The following CACNA1E variants were observed in gnomAD, a reference collection of about 807,000 sequenced individuals.
CACNA1E encodes voltage-dependent R-type calcium channel subunit alpha-1E.
In CACNA1E, 40 loss-of-function variants were observed where a neutral mutation model predicts 259.2. That is an observed-to-expected ratio of 0.15 (90% CI 0.12 to 0.20). The LOEUF (loss-of-function observed/expected upper bound fraction) is 0.20, where lower values mean the gene tolerates loss of function less well. Among genes scored for constraint, CACNA1E ranks in the 10% least tolerant of loss-of-function variants. The pLI is 1.00. For synonymous variants in CACNA1E, 1,104 were observed against 1,138.5 expected, an observed-to-expected ratio of 0.97 and a Z score of 0.61; for missense variants, 1,874 against 3,040.1, an observed-to-expected ratio of 0.62 and a Z score of 9.02.
chr1:181,388,150 C>T (rs956193593), intron 1 of CACNA1E, among the ~76,000 whole-genome samples: 3 of 152,212 alleles, frequency 2.0e-5, no homozygotes, highest in African/African-American at 7.2e-5. Flanking sequence ...GCAGCCAGAG[C>T]ACGGCCATCG....
intron 2 of CACNA1E, among the ~76,000 whole-genome samples, chr1:181,436,518 A>ATACT (rs1660097918): frequency 6.6e-6 from 1 of 152,250 alleles, no homozygotes; most frequent in Admixed American, 6.5e-5. Context: ...ACACAATGAA[A>ATACT]TACTTTCAGC....
intron 25 of CACNA1E, among the ~76,000 whole-genome samples, chr1:181,745,083 A>G (rs549944007): frequency 6.6e-6 from 1 of 152,276 alleles, no homozygotes; most frequent in African/African-American, 2.4e-5. Context: ...GCTGCCTTGA[A>G]AATGGAGTTT....
intron 2 of CACNA1E, among the ~76,000 whole-genome samples, chr1:181,419,936 T>G (rs1295913935): frequency 6.6e-6 from 1 of 152,212 alleles, no homozygotes; most frequent in Non-Finnish European, 1.5e-5. Flanking sequence ...GTCTCCTGCC[T>G]TTCAGCTTCT....
chr1:181,554,521 G>A (rs1378449468), intron 3 of CACNA1E, among the ~76,000 whole-genome samples: 1 of 152,154 alleles, frequency 6.6e-6, no homozygotes, highest in Non-Finnish European at 1.5e-5. Context: ...AACAAGATTA[G>A]CTTGGATCGG....
chr1:181,541,522 T>C (rs1045485259), intron 3 of CACNA1E, among the ~76,000 whole-genome samples: 5 of 152,036 alleles, frequency 3.3e-5, no homozygotes, highest in Admixed American at 6.5e-5. Context: ...CAGAAGTAAA[T>C]TGATGCTCAT....
chr1:181,798,626 G>T lies in CACNA1E; in HGVS notation c.6734G>T (p.Gly2245Val), dbSNP rs760290666. 3.7e-6 allele frequency: 6 copies of T among 1,612,106 alleles called. No individual in the cohort carries two copies. The highest frequency in any genetic ancestry group is 5.1e-6 in the Non-Finnish European group (6 of 1,178,984). ...GAAGACTCCCACGCCTCAGACTGTG[G>T]TGAGGAGGAGACGCTCACTTTCGAA... Reference protein sequence around the residue: ...LHEDSHASDCGEEETLTFEAA... With the variant: ...LHEDSHASDCVEEETLTFEAA... Residue 2245 changes from glycine (G) to valine (V), a missense_variant, in exon 48 of 48, where the codon GGT becomes GTT. By Grantham distance (109) the Gly-to-Val change is moderately radical. Coordinates refer to ENST00000367573, the MANE Select transcript of CACNA1E (RefSeq NM_001205293.3). The surrounding 1 kb of genome is among the most constrained non-coding windows in gnomAD (Gnocchi z 4.2).
chr1:181,789,284 T>C (rs1661095377), intron 43 of CACNA1E, among the ~76,000 whole-genome samples: 1 of 152,206 alleles, frequency 6.6e-6, no homozygotes, highest in Admixed American at 6.5e-5. Flanking sequence ...AAAAACTCTG[T>C]AGCAGCTGTG....
intron 7 of CACNA1E, among the ~76,000 whole-genome samples, chr1:181,678,560 GA>G (rs1649610972): frequency 6.6e-6 from 1 of 152,208 alleles, no homozygotes; most frequent in South Asian, 2.1e-4. Context: ...AACTAACAAG[GA>G]CACACTGAAT....
At chr1:181,621,290 G>A (rs1234809027) in intron 6 of CACNA1E, among the ~76,000 whole-genome samples, 1 of 152,224 alleles carries the variant, frequency 6.6e-6, no homozygotes, top group Non-Finnish European at 1.5e-5. Context: ...GTTCTAGAAG[G>A]ATATCTTGGC....
upstream of CACNA1E, among the ~76,000 whole-genome samples, chr1:181,482,505 A>C (rs1226501966): frequency 6.6e-6 from 1 of 152,246 alleles, no homozygotes; most frequent in Non-Finnish European, 1.5e-5. Flanking sequence ...TAAATCAAGA[A>C]GGCAAGCCAG....
rs375309215 is a variant in CACNA1E at position 181,771,322 on chromosome 1, G to A, written c.4911G>A (p.Glu1637=). 15 of 1,596,514 alleles carry A rather than the reference G, an allele frequency of 9.4e-6. No homozygotes were observed. The highest frequency in any genetic ancestry group is 1.2e-5 in the Non-Finnish European group (14 of 1,168,830). The change falls in exon 36 of 48, where the codon GAG becomes GAA. Residue 1637 remains glutamate (E), a synonymous_variant. Transcript: ENST00000367573. ...TTGGAAACATAAAATTAGACGAGGA[G>A]AGTCACATCAACCGGCACAACAACT... ...QVFGNIKLDE[E]SHINRHNNFR... is the part of the protein sequence containing the mutation.
At chr1:181,775,053 A>G (rs1659857107) in intron 37 of CACNA1E, among the ~76,000 whole-genome samples, 1 of 152,198 alleles carries the variant, frequency 6.6e-6, no homozygotes, top group Non-Finnish European at 1.5e-5. Flanking sequence ...GTGAGTGCAA[A>G]TATCAACATC....
At chr1:181,730,233 G>A (rs1178707705) in intron 18 of CACNA1E, among the ~76,000 whole-genome samples, 2 of 152,212 alleles carry the variant, frequency 1.3e-5, no homozygotes, top group Non-Finnish European at 2.9e-5. Flanking sequence ...GCTTTATCAG[G>A]AAAGGATCAG....
At position 181,710,947 on chromosome 1, in the gene CACNA1E, T is replaced by C. The variant is rs1283700383; in HGVS notation, c.1056-7T>C. The C allele has an allele frequency of 1.9e-6, 3 of 1,599,188 alleles. No individual in the cohort carries two copies. Among genetic ancestry groups the C allele is most frequent in the African/African-American group, 1.3e-5 (1 of 74,614 alleles). ...AACCCAGTGAATCTTATCCTTCTTG[T>C]CCACAGGGAATTTGCCAAAGAGAGA... On this transcript the variant is annotated splice_polypyrimidine_tract_variant and splice_region_variant and intron_variant, in intron 7 of 47. Transcript: ENST00000367573.
intron 1 of CACNA1E, among the ~76,000 whole-genome samples, chr1:181,502,300 A>G (rs1446717727): frequency 6.6e-6 from 1 of 152,166 alleles, no homozygotes; most frequent in Non-Finnish European, 1.5e-5. Context: ...TATATTGATA[A>G]ATTTGGAAGG....
chr1:181,741,248 C>G (rs1368317677), intron 25 of CACNA1E, among the ~76,000 whole-genome samples: 1 of 152,206 alleles, frequency 6.6e-6, no homozygotes, highest in Non-Finnish European at 1.5e-5. Flanking sequence ...GCTGTGGAAC[C>G]AGACGGGCTC....
rs551328125 is a variant in CACNA1E at position 181,589,361 on chromosome 1, C to A, written c.951+8585C>A. 1.4e-4 allele frequency among the ~76,000 whole-genome samples: 21 copies of A among 152,248 alleles called. No individual in the cohort carries two copies. In the South Asian group the frequency reaches 4.1e-3, roughly 30 times the overall value. On this transcript the variant is annotated intron_variant, in intron 6 of 47. Transcript: ENST00000367573. ...GAGGTCATGCGTTATTCAATGTTTG[C>A]CTAACATAAAGTGATTGACACACAG...
In CACNA1E at chr1:181,385,366, C is replaced by T. The variant is rs181938576; in HGVS notation, c.-14-27767C>T. Among the ~76,000 whole-genome samples the T allele has an allele frequency of 1.1e-4, 17 of 152,296 alleles. No homozygotes were observed. The East Asian group carries it at 1.9e-3, about 17-fold the overall frequency. On this transcript the variant is annotated intron_variant, in intron 1 of 11. Coordinates refer to the CACNA1E transcript ENST00000524607. ...ATTGGGTTATGATTATGAACATCTC[C>T]GATGGAATATCACATTACAGCAAGA...
intron 6 of CACNA1E, among the ~76,000 whole-genome samples, chr1:181,647,940 C>T (rs964132944): frequency 6.6e-6 from 1 of 152,266 alleles, no homozygotes; most frequent in East Asian, 1.9e-4. Flanking sequence ...TGTGAATAAC[C>T]TACAGGAGCT....
Sources: gnomAD v4.1 joint callset for allele counts (sites outside exome capture counted in the v4.1 genomes callset) on GRCh38, gnomAD v4.1.1 for gene constraint, Gnocchi (gnomAD v3.1) non-coding constraint, MANE v1.5 for transcripts, NCBI Gene and HGNC (gene_info 2026-07-23, HGNC 2026-07-21) for gene names.